The following NTRK2 variants were observed in gnomAD, a reference collection of about 807,000 sequenced individuals.
NTRK2 encodes the protein neurotrophic receptor tyrosine kinase 2.
NTRK2 carries 13 observed loss-of-function variants against 94.5 expected under a neutral mutation model. The ratio of observed to expected loss-of-function variants is 0.14; its 90% CI spans 0.09 to 0.22. NTRK2 has a LOEUF of 0.22. Ranked by LOEUF, NTRK2 falls within the 10% of genes least tolerant of loss-of-function variation. The probability of loss-of-function intolerance (pLI) is 1.00; values close to 1 mark genes in which losing one functional copy is unlikely to be tolerated. For missense variants in NTRK2, 639 were observed against 1,071.2 expected, an observed-to-expected ratio of 0.60 and a Z score of 5.63; for synonymous variants, 372 against 407.4, an observed-to-expected ratio of 0.91 and a Z score of 1.05.
intron 12 of NTRK2, among the ~76,000 whole-genome samples, chr9:84,839,819 G>A (rs1436662238): frequency 6.6e-6 from 1 of 152,224 alleles, no homozygotes; most frequent in Non-Finnish European, 1.5e-5. Context: ...AGCACATCAA[G>A]TGTGTCTGCA....
intron 17 of NTRK2, among the ~76,000 whole-genome samples, chr9:84,993,232 C>T (rs972336538): frequency 2.6e-5 from 4 of 152,128 alleles, no homozygotes; most frequent in Non-Finnish European, 5.9e-5. Flanking sequence ...ATTCTCCAGG[C>T]GTCAGTGACC....
intron 2 of NTRK2, among the ~76,000 whole-genome samples, chr9:84,684,801 G>A (rs1027030829): frequency 2.6e-5 from 4 of 151,906 alleles, no homozygotes; most frequent in Non-Finnish European, 5.9e-5. Context: ...TTTTTTTTCC[G>A]TGAACTTAGC....
intron 2 of NTRK2, among the ~76,000 whole-genome samples, chr9:84,672,754 A>G (rs998158404): frequency 3.9e-5 from 6 of 152,204 alleles, no homozygotes; most frequent in African/African-American, 1.4e-4. Context: ...AATCTAAAAA[A>G]TTATTATTTC....
chr9:85,010,372 G>A (rs1831428197), intron 17 of NTRK2, among the ~76,000 whole-genome samples: 1 of 152,154 alleles, frequency 6.6e-6, no homozygotes, highest in African/African-American at 2.4e-5. Flanking sequence ...CACCATCAAA[G>A]GGTGCAATGC....
intron 6 of NTRK2, among the ~76,000 whole-genome samples, chr9:84,715,499 G>A (rs1463530751): frequency 6.6e-6 from 1 of 152,148 alleles, no homozygotes; most frequent in African/African-American, 2.4e-5. Flanking sequence ...ATTTATTCAT[G>A]CTGTAAAACA....
At chr9:84,676,066 A>C (rs1222464351) in intron 2 of NTRK2, among the ~76,000 whole-genome samples, 1 of 152,260 alleles carries the variant, frequency 6.6e-6, no homozygotes, top group African/African-American at 2.4e-5. Context: ...AAAGCATATC[A>C]TGGAAAGCTG....
chr9:84,939,254 A>C (rs2078322862), intron 15 of NTRK2, among the ~76,000 whole-genome samples: 1 of 152,176 alleles, frequency 6.6e-6, no homozygotes, highest in African/African-American at 2.4e-5. Flanking sequence ...ATAGATATAT[A>C]GAGCTAATAT....
chr9:84,798,351 A>G (rs72737689), intron 12 of NTRK2, among the ~76,000 whole-genome samples: 5,378 of 152,290 alleles, frequency 0.035, 146 homozygotes, highest in Middle Eastern at 0.068. Context: ...GGACACACAC[A>G]TTCAGACCAT....
chr9:85,003,875 C>T (rs1830590255), intron 17 of NTRK2, among the ~76,000 whole-genome samples: 1 of 149,520 alleles, frequency 6.7e-6, no homozygotes, highest in African/African-American at 2.5e-5. Flanking sequence ...CTGATGGTGG[C>T]TTGGATATGG....
upstream of NTRK2, among the ~76,000 whole-genome samples, chr9:84,669,096 C>A (rs557290188): frequency 6.6e-6 from 1 of 152,212 alleles, no homozygotes; most frequent in South Asian, 2.1e-4. The surrounding 1 kb of genome is among the most constrained non-coding windows in gnomAD (Gnocchi z 4.1). Context: ...AACAGGAAGC[C>A]CCTCCAAAAC....
At chr9:84,716,331 G>T (rs891648260) in intron 6 of NTRK2, among the ~76,000 whole-genome samples, 1 of 152,112 alleles carries the variant, frequency 6.6e-6, no homozygotes, top group African/African-American at 2.4e-5. Context: ...CAGTTCACAG[G>T]TGCCCAGGAG....
intron 6 of NTRK2, among the ~76,000 whole-genome samples, chr9:84,711,506 T>C (rs1375547053): frequency 2.0e-5 from 3 of 152,214 alleles, no homozygotes; most frequent in African/African-American, 7.2e-5. Context: ...ACCTCTACAA[T>C]ACCCACACAT....
At chr9:84,737,886 C>T (rs538149422) in intron 9 of NTRK2, among the ~76,000 whole-genome samples, 1 of 151,592 alleles carries the variant, frequency 6.6e-6, no homozygotes, top group African/African-American at 2.4e-5. Flanking sequence ...GACAACATTC[C>T]TTAGGTCAAG....
intron 12 of NTRK2, among the ~76,000 whole-genome samples, chr9:84,818,949 C>T (rs1331518693): frequency 1.3e-5 from 2 of 152,174 alleles, no homozygotes; most frequent in Non-Finnish European, 2.9e-5. Context: ...TGCCTGTCCT[C>T]GAATGTCCCG....
In NTRK2 at chr9:84,726,778, A is replaced by G. The variant is rs534540660; in HGVS notation, c.854-876A>G. 1.6e-3 allele frequency among the ~76,000 whole-genome samples: 248 copies of G among 152,318 alleles called. 1 individual carries two copies. The highest frequency in any genetic ancestry group is 2.4e-3 in the Non-Finnish European group (166 of 68,036). On this transcript the variant is annotated intron_variant, in intron 8 of 18. Coordinates refer to ENST00000277120, the MANE Select transcript of NTRK2 (RefSeq NM_006180.6). ...AAAAAAATGATGCTATTAGATCTCA[A>G]AGGTCTTTTCCAGTCCTTGATTTTG...
intron 14 of NTRK2, among the ~76,000 whole-genome samples, chr9:84,911,039 T>A (rs1305429186): frequency 6.6e-6 from 1 of 152,208 alleles, no homozygotes; most frequent in Non-Finnish European, 1.5e-5. Context: ...CATAGTATGT[T>A]TCTTATTTAT....
At chr9:84,865,462 G>A (rs1327321752) in intron 13 of NTRK2, among the ~76,000 whole-genome samples, 2 of 152,144 alleles carry the variant, frequency 1.3e-5, no homozygotes, top group African/African-American at 2.4e-5. Context: ...ATATGAGGGG[G>A]AAAAATGGAT....
intron 14 of NTRK2, among the ~76,000 whole-genome samples, chr9:84,897,337 A>T (rs987398611): frequency 6.6e-6 from 1 of 152,080 alleles, no homozygotes; most frequent in African/African-American, 2.4e-5. Context: ...GAGGTTCAAC[A>T]TGTTGGCCAG....
chr9:84,771,763 A>G (rs2066567089), intron 12 of NTRK2, among the ~76,000 whole-genome samples: 1 of 152,060 alleles, frequency 6.6e-6, no homozygotes, highest in Non-Finnish European at 1.5e-5. Context: ...TTTTTAGTAA[A>G]TTTGTGTGAT....
Sources: allele counts gnomAD v4.1 joint callset (sites outside exome capture counted in the v4.1 genomes callset), GRCh38; gene constraint gnomAD v4.1.1; non-coding constraint Gnocchi (gnomAD v3.1); transcripts MANE v1.5; gene names NCBI Gene and HGNC (gene_info 2026-07-23, HGNC 2026-07-21).